Variants in MARCHF6 observed in about 807,000 individuals in gnomAD.
The protein encoded by MARCHF6 is membrane associated ring-CH-type finger 6, also known as E3 ubiquitin-protein ligase MARCHF6.
A neutral mutation model predicts 133.7 loss-of-function variants in MARCHF6; 31 were observed. The observed-to-expected ratio is 0.23, with a 90% CI of 0.17 to 0.31. MARCHF6 has a LOEUF of 0.31. Ranked by LOEUF, MARCHF6 falls within the 10% of genes least tolerant of loss-of-function variation. The probability of loss-of-function intolerance (pLI) is 1.00; values close to 1 mark genes in which losing one functional copy is unlikely to be tolerated. For synonymous variants in MARCHF6, 395 were observed against 402.5 expected (o/e 0.98, Z 0.22); for missense variants, 723 against 1,121.6 (o/e 0.64, Z 5.08).
intron 1 of MARCHF6, among the ~76,000 whole-genome samples, chr5:10,373,280 G>T (rs1736571476): frequency 6.6e-6 from 1 of 152,102 alleles, no homozygotes; most frequent in African/African-American, 2.4e-5. Context: ...TGAAAAATCA[G>T]TGCCCTAATT....
chr5:10,386,441 A>G (rs1737486821), intron 4 of MARCHF6, among the ~76,000 whole-genome samples: 1 of 152,216 alleles, frequency 6.6e-6, no homozygotes. Flanking sequence ...TCGTTCACCC[A>G]TACTTTGTCT....
intron 1 of MARCHF6, among the ~76,000 whole-genome samples, chr5:10,360,605 C>T (rs1408366558): frequency 6.6e-6 from 1 of 152,150 alleles, no homozygotes; most frequent in Non-Finnish European, 1.5e-5. Flanking sequence ...TGAAACCAAT[C>T]CCCCAGGGTT....
chr5:10,425,309 A>G (rs1372842147), intron 23 of MARCHF6, among the ~76,000 whole-genome samples: 1 of 152,198 alleles, frequency 6.6e-6, no homozygotes, highest in Non-Finnish European at 1.5e-5. Context: ...ATATCCCTTC[A>G]GGATCAGAGT....
At chr5:10,371,409 T>G (rs529815080) in intron 1 of MARCHF6, among the ~76,000 whole-genome samples, 2 of 152,268 alleles carry the variant, frequency 1.3e-5, no homozygotes, top group South Asian at 4.1e-4. Flanking sequence ...AGAAAGAGAT[T>G]TATAATGGAC....
chr5:10,389,768 C>T (rs1005014643), intron 5 of MARCHF6, among the ~76,000 whole-genome samples: 1 of 152,182 alleles, frequency 6.6e-6, no homozygotes, highest in African/African-American at 2.4e-5. Context: ...CTGAATATCT[C>T]TCAACCTTCA....
At chr5:10,370,823 G>T (rs1323587656) in intron 1 of MARCHF6, among the ~76,000 whole-genome samples, 1 of 152,014 alleles carries the variant, frequency 6.6e-6, no homozygotes, top group Non-Finnish European at 1.5e-5. Context: ...ATTAGCTGCT[G>T]TACTACCTGG....
chr5:10,380,538 CA>C (rs972919161), intron 3 of MARCHF6, among the ~76,000 whole-genome samples: 2 of 151,940 alleles, frequency 1.3e-5, no homozygotes, highest in Admixed American at 1.3e-4. Flanking sequence ...TTATCTTTTG[CA>C]AAAAATCTCT....
Position 10,440,311 on chromosome 5 carries a change from C to A in MARCHF6, c.*6627C>A, listed in dbSNP as rs1178774048. The A allele has an allele frequency of 6.6e-6, 1 of 152,162 alleles. No individual in the cohort carries two copies. Among genetic ancestry groups the A allele is most frequent in the East Asian group, 1.9e-4 (1 of 5,196 alleles). 9.4% of individuals were successfully genotyped at this position (152,162 alleles called of 1,614,324 possible). On this transcript the variant is annotated 3_prime_UTR_variant, in exon 26 of 26. Transcript: ENST00000274140. ...CTGTCCTATTTCCCAGAGGTAACTG[C>A]TGTTAATAGTTTAGTTGTGTGCTTC...
At chr5:10,407,956 C>A in intron 17 of MARCHF6, among the ~76,000 whole-genome samples, 1 of 136,492 alleles carries the variant, frequency 7.3e-6, no homozygotes, top group Non-Finnish European at 1.6e-5. Flanking sequence ...AACTGCATCC[C>A]CCCCCCCCCA....
chr5:10,365,571 C>T (rs596376), intron 1 of MARCHF6, among the ~76,000 whole-genome samples: 158 of 152,008 alleles, frequency 1.0e-3, no homozygotes, highest in African/African-American at 3.0e-3. Flanking sequence ...GGATTACAGG[C>T]GTGAGCCACT....
chr5:10,434,067 C>T lies in MARCHF6; in HGVS notation c.*383C>T. 5.3e-6 allele frequency: 1 copy of T among 188,868 alleles called. No individual in the cohort carries two copies. The highest frequency in any genetic ancestry group is 1.1e-5 in the Non-Finnish European group (1 of 89,850). 11.7% of individuals were successfully genotyped at this position (188,868 alleles called of 1,614,324 possible). ...GCAGTAGTGCGCAGGCAAGACTTTT[C>T]AGTGACGCCTTGTGGAACGCAGTTC... On this transcript the variant is annotated 3_prime_UTR_variant, in exon 26 of 26. Transcript: ENST00000274140.
At chr5:10,356,033 C>G (rs1735437362) in intron 1 of MARCHF6, among the ~76,000 whole-genome samples, 1 of 151,994 alleles carries the variant, frequency 6.6e-6, no homozygotes, top group Non-Finnish European at 1.5e-5. Context: ...TTGCAAAATT[C>G]CAGTTTGGAA....
rs78094014 is a variant in MARCHF6, at chr5:10,427,067, A to G, written c.2506+545A>G. ...CTTCTCCAGAATTCCGTCTCTCAGC[A>G]GCAAACATTATCATCCAACAAATTG... On this transcript the variant is annotated intron_variant, in intron 24 of 25. Coordinates refer to ENST00000274140, the MANE Select transcript of MARCHF6 (RefSeq NM_005885.4). 5.5e-3 allele frequency among the ~76,000 whole-genome samples: 831 copies of G among 152,338 alleles called. 3 individuals carry two copies. The highest frequency in any genetic ancestry group is 0.019 in the African/African-American group (805 of 41,572).
chr5:10,407,038 C>G, intron 16 of MARCHF6, 64 bp from the exon 17 acceptor site: 1 of 873,286 alleles, frequency 1.1e-6, no homozygotes, highest in African/African-American at 1.7e-5. Flanking sequence ...GCTCAGAAGT[C>G]TGCCTGTCTT....
intron 4 of MARCHF6, 58 bp from the exon 5 acceptor site, chr5:10,386,936 G>A: frequency 1.6e-6 from 2 of 1,282,910 alleles, no homozygotes; most frequent in Non-Finnish European, 2.3e-6. Context: ...TTCTTGAGCA[G>A]CTATGTGAAT....
chr5:10,396,523 T>C (rs1166819733), intron 9 of MARCHF6, among the ~76,000 whole-genome samples: 1 of 152,226 alleles, frequency 6.6e-6, no homozygotes, highest in African/African-American at 2.4e-5. Flanking sequence ...TTGTGGAAGA[T>C]TAGGGGACCT....
intron 4 of MARCHF6, among the ~76,000 whole-genome samples, chr5:10,386,070 G>T (rs1278187386): frequency 6.6e-6 from 1 of 151,902 alleles, no homozygotes. Flanking sequence ...TAGTAAGAAG[G>T]CCTGTTGCAC....
chr5:10,410,199 A>G lies in MARCHF6; in HGVS notation c.1614A>G (p.Ala538=). 2 of 1,614,014 alleles carry G rather than the reference A, an allele frequency of 1.2e-6. No homozygotes were observed. Among genetic ancestry groups the G allele is most frequent in the Non-Finnish European group, 1.7e-6 (2 of 1,180,030 alleles). ...TTCTGCTTCAGGTTGTCTTGCCAGC[A>G]TTACTCGAACAGGGACACACGAGGC... ...ELLLLQVVLP[A]LLEQGHTRQW... is the part of the protein sequence containing the mutation. The change falls in exon 18 of 26, where the codon GCA becomes GCG. Residue 538 remains alanine (A), a synonymous_variant. Transcript: ENST00000274140.
At chr5:10,414,609 C>G (rs1739403847) in intron 20 of MARCHF6, 107 bp downstream of exon 20, 4 of 836,582 alleles carry the variant, frequency 4.8e-6, no homozygotes, top group Non-Finnish European at 7.7e-6. Context: ...GTAGTATGAT[C>G]ATAGCTTACT....
Sources: allele counts gnomAD v4.1 joint callset (sites outside exome capture counted in the v4.1 genomes callset), GRCh38; gene constraint gnomAD v4.1.1; transcripts MANE v1.5; gene names NCBI Gene and HGNC (gene_info 2026-07-23, HGNC 2026-07-21).